Variants in SESN1 observed in about 807,000 individuals in gnomAD.
SESN1 encodes the protein sestrin-1.
A neutral mutation model predicts 59.3 loss-of-function variants in SESN1; 30 were observed. That is an observed-to-expected ratio of 0.51 (90% CI 0.38 to 0.69). The LOEUF is 0.69. Ranked by LOEUF, SESN1 falls within the 30% of genes least tolerant of loss-of-function variation. The probability of loss-of-function intolerance (pLI) is 0.00; values close to 1 mark genes in which losing one functional copy is unlikely to be tolerated. For missense variants in SESN1, 566 were observed against 673.0 expected (o/e 0.84, Z 1.76); for synonymous variants, 197 against 219.9 (o/e 0.90, Z 0.92).
At chr6:109,053,100 G>A (rs1780570219) in intron 1 of SESN1, among the ~76,000 whole-genome samples, 1 of 152,058 alleles carries the variant, frequency 6.6e-6, no homozygotes, top group African/African-American at 2.4e-5. Context: ...ATTGGGGGTA[G>A]GAGGTAGGTT....
At chr6:109,046,213 C>G (rs1266074918) in intron 1 of SESN1, among the ~76,000 whole-genome samples, 3 of 150,172 alleles carry the variant, frequency 2.0e-5, no homozygotes, top group Non-Finnish European at 1.5e-5. Flanking sequence ...CCTGCCTCAG[C>G]CTGCCGAGTG....
At chr6:109,034,543 T>C (rs1562464885) in intron 1 of SESN1, among the ~76,000 whole-genome samples, 1 of 152,216 alleles carries the variant, frequency 6.6e-6, no homozygotes, top group Non-Finnish European at 1.5e-5. Flanking sequence ...ATTCTCTCCT[T>C]CTTCTGTGGT....
intron 1 of SESN1, among the ~76,000 whole-genome samples, chr6:109,073,184 G>C (rs1383069707): frequency 1.3e-5 from 2 of 151,980 alleles, no homozygotes; most frequent in East Asian, 3.8e-4. Context: ...ATGGGTGAAT[G>C]CATGTACAGA....
chr6:109,061,230 C>T (rs1213990792), intron 1 of SESN1, among the ~76,000 whole-genome samples: 1 of 151,754 alleles, frequency 6.6e-6, no homozygotes, highest in African/African-American at 2.4e-5. Context: ...TCTGTGAAAC[C>T]ACATCTGATT....
intron 1 of SESN1, among the ~76,000 whole-genome samples, chr6:109,092,158 A>G (rs373152229): frequency 7.9e-5 from 12 of 152,376 alleles, no homozygotes; most frequent in African/African-American, 2.6e-4. Flanking sequence ...TGCATAGTCT[A>G]TGTATTTCAC....
At position 109,094,381 on chromosome 6, in the gene SESN1, C is replaced by T. The variant is rs557679427; in HGVS notation, c.-308G>A. On this transcript the variant is annotated 5_prime_UTR_variant, in exon 1 of 10. Transcript: ENST00000436639. ...TTCGGGGAAGCGTTCTCCTCCGTCTCGCGGGGTCAGTGGATATCCTCACGT... is the reference window on the plus strand; with the variant it reads ...TTCGGGGAAGCGTTCTCCTCCGTCTTGCGGGGTCAGTGGATATCCTCACGT... 1.3e-5 allele frequency: 5 copies of T among 397,098 alleles called. No individual in the cohort carries two copies. The highest frequency in any genetic ancestry group is 2.3e-5 in the Non-Finnish European group (5 of 217,912). The allele number at this position is 397,098 out of a possible 1,614,324, so 24.6% of individuals were successfully genotyped here.
intron 1 of SESN1, among the ~76,000 whole-genome samples, chr6:109,032,204 G>A (rs12206634): frequency 0.092 from 13,969 of 152,054 alleles, 857 homozygotes; most frequent in Middle Eastern, 0.21. Flanking sequence ...CCTGGAAGGC[G>A]GAGGTTGCGG....
chr6:109,028,457 G>GTTAATT (rs1416033544), intron 1 of SESN1, among the ~76,000 whole-genome samples: 65 of 152,014 alleles, frequency 4.3e-4, no homozygotes, highest in African/African-American at 1.5e-3. Context: ...AAGTGTTCTG[G>GTTAATT]TACATTTGCA....
chr6:108,996,479 T>G (rs1049561139), intron 5 of SESN1, among the ~76,000 whole-genome samples: 1 of 152,204 alleles, frequency 6.6e-6, no homozygotes, highest in Non-Finnish European at 1.5e-5. Flanking sequence ...TCACATTATC[T>G]GTCACTAATT....
intron 9 of SESN1, among the ~76,000 whole-genome samples, chr6:108,987,852 G>T (rs1583254953): frequency 7.0e-6 from 1 of 143,546 alleles, no homozygotes; most frequent in African/African-American, 2.7e-5. Flanking sequence ...TCCCAGGCTC[G>T]GGTGCAGTGG....
chr6:109,046,654 C>A (rs1403636946), intron 1 of SESN1, among the ~76,000 whole-genome samples: 1 of 139,238 alleles, frequency 7.2e-6, no homozygotes, highest in East Asian at 2.2e-4. Flanking sequence ...CTCTTCCCAG[C>A]CGCCATCACA....
At chr6:109,029,052 T>A (rs1780141720) in intron 1 of SESN1, among the ~76,000 whole-genome samples, 1 of 152,188 alleles carries the variant, frequency 6.6e-6, no homozygotes, top group Non-Finnish European at 1.5e-5. Flanking sequence ...TGAAACAGAT[T>A]TAGTGTATAA....
chr6:109,060,281 T>C (rs1780710763), intron 1 of SESN1, among the ~76,000 whole-genome samples: 1 of 152,232 alleles, frequency 6.6e-6, no homozygotes, highest in African/African-American at 2.4e-5. Flanking sequence ...GATAAGTATT[T>C]TAAGAAATGT....
chr6:109,046,884 C>G (rs1412877030), intron 1 of SESN1, among the ~76,000 whole-genome samples: 1 of 124,864 alleles, frequency 8.0e-6, no homozygotes, highest in Non-Finnish European at 1.8e-5. Context: ...CCCCTCCGTC[C>G]GGCAGCTGCC....
At chr6:109,021,601 C>T (rs544735369) in intron 1 of SESN1, among the ~76,000 whole-genome samples, 2 of 152,156 alleles carry the variant, frequency 1.3e-5, no homozygotes, top group East Asian at 3.9e-4. Context: ...CCAAGCCTGG[C>T]TAATTTTTTT....
chr6:109,047,560 C>G (rs1295780477), intron 1 of SESN1, among the ~76,000 whole-genome samples: 2 of 139,936 alleles, frequency 1.4e-5, no homozygotes, highest in Non-Finnish European at 1.6e-5. Context: ...AGTGAGGAGC[C>G]CCTCTGCCCG....
At chr6:109,074,855 C>T (rs1781005478) in intron 1 of SESN1, among the ~76,000 whole-genome samples, 1 of 152,220 alleles carries the variant, frequency 6.6e-6, no homozygotes, top group South Asian at 2.1e-4. Flanking sequence ...TGGACAAATG[C>T]TGTTTTGCTT....
chr6:109,072,725 T>C (rs916191898), intron 1 of SESN1, among the ~76,000 whole-genome samples: 1 of 152,184 alleles, frequency 6.6e-6, no homozygotes, highest in Non-Finnish European at 1.5e-5. Context: ...GAGCTCTTAA[T>C]ACAACATACC....
chr6:109,047,006 C>G (rs561318889), intron 1 of SESN1, among the ~76,000 whole-genome samples: 1 of 59,544 alleles, frequency 1.7e-5, no homozygotes, highest in South Asian at 9.1e-4. Flanking sequence ...GGGGTCAGCC[C>G]CCTGCCCGGC....
Sources: allele counts gnomAD v4.1 joint callset (sites outside exome capture counted in the v4.1 genomes callset), GRCh38; gene constraint gnomAD v4.1.1; transcripts MANE v1.5; gene names NCBI Gene and HGNC (gene_info 2026-07-23, HGNC 2026-07-21).